The following TUBB6 variants were observed in gnomAD, a reference collection of about 807,000 sequenced individuals.
The protein encoded by TUBB6 is tubulin beta-6 chain.
A neutral mutation model predicts 32.3 loss-of-function variants in TUBB6; 18 were observed. The ratio of observed to expected loss-of-function variants is 0.56; its 90% CI spans 0.39 to 0.83. The LOEUF (loss-of-function observed/expected upper bound fraction) is 0.83. Among genes scored for constraint, TUBB6 ranks in the 40% least tolerant of loss-of-function variants. TUBB6 has a pLI of 0.00. For synonymous variants in TUBB6, 280 were observed against 265.8 expected (o/e 1.05, Z -0.52); for missense variants, 480 against 632.0 (o/e 0.76, Z 2.58).
Position 12,325,273 on chromosome 18 carries a change from C to T in TUBB6, c.484C>T (p.Arg162Cys), listed in dbSNP as rs1430415478. Reference protein sequence around the residue: ...ISKIREEFPDRIMNTFSVMPS... With the variant: ...ISKIREEFPDCIMNTFSVMPS... ...CAAGATCCGTGAGGAGTTCCCGGAC[C>T]GCATCATGAACACCTTCAGCGTCAT... The change falls in exon 4 of 4, where the codon CGC becomes TGC. Residue 162 changes from arginine to cysteine, a missense_variant. Physicochemically the swap from Arg to Cys is radical, Grantham distance 180. Coordinates refer to ENST00000317702, the MANE Select transcript of TUBB6 (RefSeq NM_032525.3). The T allele has an allele frequency of 1.9e-6, 3 of 1,614,198 alleles. No individual in the cohort carries two copies. Among genetic ancestry groups the T allele is most frequent in the South Asian group, 1.1e-5 (1 of 91,088 alleles).
At chr18:12,311,227 T>A (rs1251644604) in intron 3 of TUBB6, 174 bp downstream of exon 3, 5 of 534,532 alleles carry the variant, frequency 9.4e-6, no homozygotes, top group African/African-American at 3.9e-5. Flanking sequence ...CAGTTTTTTT[T>A]AAATCTTGAC....
chr18:12,326,092 G>T lies in TUBB6; in HGVS notation c.1303G>T (p.Glu435Ter). 2 of 1,614,116 alleles carry T rather than the reference G, an allele frequency of 1.2e-6. No individual in the cohort carries two copies. The highest frequency in any genetic ancestry group is 1.7e-6 in the Non-Finnish European group (2 of 1,179,978). Residue 435 changes from glutamate to a stop codon, truncating the protein, a stop_gained, in exon 4 of 4, where the codon GAA (glutamate) becomes TAA (stop). Transcript: ENST00000317702. LOFTEE classifies it high-confidence loss of function. ...GGATGCCACCGCCAATGACGGGGAG[G>T]AAGCTTTTGAGGATGAGGAAGAGGA... ...YQDATANDGE[E>*]AFEDEEEEID... is the part of the protein sequence containing the mutation.
rs534269397 is a variant in TUBB6, at chr18:12,323,467, A to AT, written c.278-1592dup. On this transcript the variant is annotated intron_variant, in intron 3 of 3. Transcript: ENST00000317702. ...TTTAAGAGCCAATCTTTCAGATTCA[A>AT]TTTTTTTTAGGTAAAGTAAGATATA... 1.6e-3 allele frequency among the ~76,000 whole-genome samples: 250 copies of AT among 152,128 alleles called. 2 individuals carry two copies. Among genetic ancestry groups the AT allele is most frequent in the South Asian group, 8.5e-3 (41 of 4,802 alleles).
chr18:12,322,208 G>A (rs532793447), intron 3 of TUBB6, among the ~76,000 whole-genome samples: 1 of 152,132 alleles, frequency 6.6e-6, no homozygotes, highest in Admixed American at 6.5e-5. Flanking sequence ...GGCTGAAGCA[G>A]AATTGCTTGA....
downstream of TUBB6, chr18:12,329,820 C>A (rs1343322993): frequency 1.9e-6 from 3 of 1,541,298 alleles, no homozygotes; most frequent in Admixed American, 1.7e-5. Flanking sequence ...TACAGTTACT[C>A]AGCAAAGTCT....
At chr18:12,322,253 G>A (rs4796964) in intron 3 of TUBB6, among the ~76,000 whole-genome samples, 34,948 of 151,508 alleles carry the variant, frequency 0.23, 4,288 homozygotes, top group East Asian at 0.38. Context: ...AGACAATACC[G>A]TGCCACTGCA....
At chr18:12,314,126 G>T (rs932302787) in intron 3 of TUBB6, among the ~76,000 whole-genome samples, 24 of 152,150 alleles carry the variant, frequency 1.6e-4, no homozygotes, top group African/African-American at 5.1e-4. Flanking sequence ...CAGGAAGAAA[G>T]AGCACCGCAC....
downstream of TUBB6, among the ~76,000 whole-genome samples, chr18:12,328,143 C>T (rs1030872849): frequency 3.2e-4 from 49 of 152,214 alleles, no homozygotes; most frequent in African/African-American, 1.2e-3. Flanking sequence ...GCTGCTTCCA[C>T]GGCCTGCCGG....
intron 3 of TUBB6, among the ~76,000 whole-genome samples, chr18:12,316,539 A>G (rs1906683480): frequency 6.6e-6 from 1 of 152,238 alleles, no homozygotes; most frequent in South Asian, 2.1e-4. Flanking sequence ...TACTAACATG[A>G]TATGTCTTTA....
intron 3 of TUBB6, among the ~76,000 whole-genome samples, chr18:12,321,412 A>G (rs1456282844): frequency 6.6e-6 from 1 of 152,160 alleles, no homozygotes; most frequent in African/African-American, 2.4e-5. Context: ...CCATCAGTAG[A>G]CCTCATTGTG....
Position 12,308,709 on chromosome 18 carries a change from A to G in TUBB6, c.80A>G (p.Glu27Gly). ...GTKFWEVISD[E>G]HGIDPAGGYV... ...AAGTTTTGGGAAGTGATCAGCGATG[A>G]GCACGGCATCGACCCGGCCGGAGGC... is the stretch of plus-strand genomic sequence containing the variant. The change falls in exon 2 of 4, where the codon GAG (glutamate) becomes GGG (glycine). Residue 27 changes from glutamate (E) to glycine (G), a missense_variant. By Grantham distance (98) the Glu-to-Gly change is moderately conservative (BLOSUM62 -2). Coordinates refer to ENST00000317702, the MANE Select transcript of TUBB6 (RefSeq NM_032525.3). The G allele has an allele frequency of 6.2e-7, 1 of 1,612,624 alleles. No individual in the cohort carries two copies. The highest frequency in any genetic ancestry group is 1.1e-5 in the South Asian group (1 of 91,046).
chr18:12,328,970 A>G (rs1907421508), downstream of TUBB6: 2 of 575,006 alleles, frequency 3.5e-6, no homozygotes, highest in Non-Finnish European at 6.2e-6. Context: ...CAGTGTTGAC[A>G]TTTTATTTTT....
At chr18:12,309,307 C>T (rs572386086) in intron 2 of TUBB6, among the ~76,000 whole-genome samples, 2 of 150,080 alleles carry the variant, frequency 1.3e-5, no homozygotes, top group African/African-American at 4.9e-5. Context: ...GAGCTGTGAT[C>T]GCGCCACTGC....
intron 3 of TUBB6, among the ~76,000 whole-genome samples, chr18:12,311,815 A>G (rs1358955180): frequency 6.6e-6 from 1 of 152,172 alleles, no homozygotes; most frequent in African/African-American, 2.4e-5. Flanking sequence ...ATAAAATTAC[A>G]TGAAGTGGTA....
chr18:12,308,964 C>G (rs1251912762), intron 2 of TUBB6, among the ~76,000 whole-genome samples, 169 bp downstream of exon 2: 2 of 152,212 alleles, frequency 1.3e-5, no homozygotes, highest in Non-Finnish European at 2.9e-5. Flanking sequence ...TCAGTTTATT[C>G]AAACAGCTCG....
At chr18:12,320,084 A>C (rs1251882426) in intron 3 of TUBB6, among the ~76,000 whole-genome samples, 3 of 151,958 alleles carry the variant, frequency 2.0e-5, no homozygotes, top group Non-Finnish European at 4.4e-5. Flanking sequence ...CACCGTGCCC[A>C]GCCAAAAAAA....
chr18:12,325,042 C>G, intron 3 of TUBB6, 25 bp from the exon 4 acceptor site: 1 of 1,544,632 alleles, frequency 6.5e-7, no homozygotes, highest in Non-Finnish European at 8.7e-7. Flanking sequence ...CCTGTTTAAA[C>G]GGCACGGGAC....
At chr18:12,316,981 A>G (rs1232230160) in intron 3 of TUBB6, among the ~76,000 whole-genome samples, 1 of 152,132 alleles carries the variant, frequency 6.6e-6, no homozygotes, top group Non-Finnish European at 1.5e-5. Flanking sequence ...CAACATGGTG[A>G]AACCCTGTCT....
downstream of TUBB6, among the ~76,000 whole-genome samples, chr18:12,327,391 A>C (rs371388342): frequency 8.5e-5 from 13 of 152,086 alleles, no homozygotes; most frequent in South Asian, 4.1e-4. Context: ...TACAACCACA[A>C]CACCACCCTT....
Sources: allele counts gnomAD v4.1 joint callset (sites outside exome capture counted in the v4.1 genomes callset), GRCh38; gene constraint gnomAD v4.1.1; transcripts MANE v1.5; gene names NCBI Gene and HGNC (gene_info 2026-07-23, HGNC 2026-07-21).